Variants in TG observed in about 807,000 individuals in gnomAD.
TG encodes the protein thyroid hormones.
A neutral mutation model predicts 324.7 loss-of-function variants in TG; 270 were observed. That is an observed-to-expected ratio of 0.83 (90% CI 0.75 to 0.92). The LOEUF (loss-of-function observed/expected upper bound fraction) is 0.92. Ranked by LOEUF, TG falls within the 40% of genes least tolerant of loss-of-function variation. The pLI, the probability that TG is intolerant of heterozygous loss-of-function variation, is 0.00. For synonymous variants in TG, 1,401 were observed against 1,327.0 expected (o/e 1.06, Z -1.21); for missense variants, 3,591 against 3,456.4 (o/e 1.04, Z -0.98).
chr8:133,098,578 T>G (rs56967999), intron 43 of TG, among the ~76,000 whole-genome samples: 1 of 152,160 alleles, frequency 6.6e-6, no homozygotes, highest in Non-Finnish European at 1.5e-5. Flanking sequence ...CTTTGGACCA[T>G]GTACTGAAAA....
intron 35 of TG, among the ~76,000 whole-genome samples, chr8:132,999,785 T>C (rs1379497399): frequency 2.6e-5 from 4 of 152,226 alleles, no homozygotes; most frequent in Non-Finnish European, 5.9e-5. Context: ...TCTTAGAAGA[T>C]ATTTACTATC....
At chr8:132,875,423 T>A (rs1487325548) in intron 5 of TG, among the ~76,000 whole-genome samples, 2 of 152,240 alleles carry the variant, frequency 1.3e-5, no homozygotes, top group African/African-American at 2.4e-5. Flanking sequence ...TACAAATGAT[T>A]ACTGAAACAC....
chr8:132,873,197 T>G lies in TG; in HGVS notation c.614T>G (p.Phe205Cys). The change falls in exon 5 of 48, where the codon TTT (phenylalanine) becomes TGT (cysteine). Residue 205 changes from phenylalanine (F) to cysteine (C), a missense_variant. Phe to Cys is a radical substitution (Grantham distance 205). Coordinates refer to ENST00000220616, the MANE Select transcript of TG (RefSeq NM_003235.5). Reference sequence around the variant, plus strand: ...GTCAACACCACAGACATGATGATTTTTGATCTGGTCCACAGCTACAACAGG... The same window carrying G: ...GTCAACACCACAGACATGATGATTTGTGATCTGGTCCACAGCTACAACAGG... ...KFVNTTDMMI[F>C]DLVHSYNRFP... 2 of 1,614,118 alleles carry G rather than the reference T, an allele frequency of 1.2e-6. No homozygotes were observed. Among genetic ancestry groups the G allele is most frequent in the Admixed American group, 3.3e-5 (2 of 60,012 alleles).
At chr8:133,092,350 C>T (rs1458908774) in intron 41 of TG, among the ~76,000 whole-genome samples, 1 of 152,214 alleles carries the variant, frequency 6.6e-6, no homozygotes, top group African/African-American at 2.4e-5. Context: ...TTGACCTGAA[C>T]TATTTTTAAA....
chr8:132,957,781 A>ACG (rs1827144055), intron 27 of TG, among the ~76,000 whole-genome samples: 1 of 152,048 alleles, frequency 6.6e-6, no homozygotes, highest in African/African-American at 2.4e-5. Flanking sequence ...ACACACACAC[A>ACG]CACGTATGTA....
chr8:132,978,502 G>T (rs1830441328), intron 34 of TG, among the ~76,000 whole-genome samples: 1 of 152,150 alleles, frequency 6.6e-6, no homozygotes, highest in African/African-American at 2.4e-5. Flanking sequence ...TGGGAGGAGG[G>T]TGCTGTTCTC....
At chr8:133,038,771 G>C (rs1291458366) in intron 41 of TG, 13 of 1,454,792 alleles carry the variant, frequency 8.9e-6, no homozygotes, top group Non-Finnish European at 1.2e-5. Context: ...TAGAGAAAGG[G>C]AAAAAAAGAG....
At chr8:132,969,781 G>A (rs889083186) in intron 32 of TG, among the ~76,000 whole-genome samples, 2 of 151,840 alleles carry the variant, frequency 1.3e-5, no homozygotes, top group Non-Finnish European at 2.9e-5. Flanking sequence ...CATGGTGGCG[G>A]CACATGCTAG....
At position 133,017,996 on chromosome 8, in the gene TG, A is replaced by G; in HGVS notation, c.6781A>G (p.Arg2261Gly). ...AGGCTCCTGGGATGCCAGCAAGCCAAGGTATGGGTTGAGTGGAGCACATCT... is the reference window on the plus strand; with the variant it reads ...AGGCTCCTGGGATGCCAGCAAGCCAGGGTATGGGTTGAGTGGAGCACATCT... ...WTGSWDASKP[R>G]ASCWQPGTRT... Residue 2261 changes from arginine (R) to glycine (G), a missense_variant and splice_region_variant, in exon 38 of 48, where the codon AGG becomes GGG. Physicochemically the swap from Arg to Gly is moderately radical, Grantham distance 125. Transcript: ENST00000220616. 1.2e-6 allele frequency: 2 copies of G among 1,614,062 alleles called. No homozygotes were observed. The highest frequency in any genetic ancestry group is 1.3e-5 in the African/African-American group (1 of 75,058).
In TG at chr8:133,007,040, T is replaced by C. The variant is rs16904803; in HGVS notation, c.6263-4861T>C. Among the ~76,000 whole-genome samples, 1,276 of 152,330 alleles carry C rather than the reference T, an allele frequency of 8.4e-3. 12 individuals carry two copies. The highest frequency in any genetic ancestry group is 0.029 in the African/African-American group (1,209 of 41,548). ...CTCCTGTCACCCAGGGAGATATTTG[T>C]TGAAGTGTTGACTGGAGGTTGGCTG... On this transcript the variant is annotated intron_variant, in intron 35 of 47. Transcript: ENST00000220616.
intron 41 of TG, among the ~76,000 whole-genome samples, chr8:133,084,565 C>G (rs1392317059): frequency 6.6e-6 from 1 of 152,180 alleles, no homozygotes; most frequent in Non-Finnish European, 1.5e-5. Flanking sequence ...TGGCTTCTGA[C>G]AGCCAGAAGG....
At chr8:133,090,201 A>T (rs1012738699) in intron 41 of TG, 4 of 152,246 alleles carry the variant, frequency 2.6e-5, no homozygotes, top group African/African-American at 9.6e-5. Context: ...CCAGCATTCA[A>T]TAAGCCAGCT....
Position 133,019,707 on chromosome 8 carries a change from AG to A in TG, c.6876+13del. The A allele has an allele frequency of 6.2e-7, 1 of 1,607,872 alleles. No individual in the cohort carries two copies. Among genetic ancestry groups the A allele is most frequent in the Non-Finnish European group, 8.5e-7 (1 of 1,175,212 alleles). ...TCCCTCAGAATGTGGTGAGTTCAAA[AG>A]CACTTGCTATGGTTGCCCTGAAGAC... On this transcript the variant is annotated intron_variant, in intron 39 of 47. Coordinates refer to ENST00000220616, the MANE Select transcript of TG (RefSeq NM_003235.5).
intron 23 of TG, 72 bp from the exon 24 acceptor site, chr8:132,933,489 G>T (rs1363125649): frequency 2.5e-6 from 3 of 1,206,580 alleles, no homozygotes; most frequent in Non-Finnish European, 3.7e-6. Context: ...GCAGGGGCAG[G>T]GGGATGTGTC....
intron 44 of TG, among the ~76,000 whole-genome samples, chr8:133,115,580 C>T (rs1745360246): frequency 6.6e-6 from 1 of 152,208 alleles, no homozygotes; most frequent in Admixed American, 6.5e-5. Flanking sequence ...TGAGGGACTC[C>T]CATGGGTGTT....
At chr8:133,121,095 C>T (rs377042191) in intron 45 of TG, among the ~76,000 whole-genome samples, 16 of 152,204 alleles carry the variant, frequency 1.1e-4, no homozygotes, top group African/African-American at 2.9e-4. Context: ...CCCGTGGCTC[C>T]GTGGCTCTCT....
chr8:132,962,895 A>G, intron 28 of TG, 99 bp from the exon 29 acceptor site: 1 of 1,071,188 alleles, frequency 9.3e-7, no homozygotes, highest in Non-Finnish European at 1.5e-6. Context: ...ACCTGGCTTT[A>G]GGGCCTGATT....
intron 4 of TG, 123 bp from the exon 5 acceptor site, chr8:132,872,939 G>C (rs919636086): frequency 1.2e-5 from 13 of 1,084,948 alleles, no homozygotes; most frequent in South Asian, 1.1e-4. Context: ...CAATGAAACC[G>C]CCGAACGATG....
At chr8:132,941,610 A>G in intron 26 of TG, 68 bp downstream of exon 26, 1 of 1,586,626 alleles carries the variant, frequency 6.3e-7, no homozygotes, top group South Asian at 1.1e-5. Flanking sequence ...AGAAGCCAGG[A>G]CACACAACAT....
Sources: allele counts gnomAD v4.1 joint callset (sites outside exome capture counted in the v4.1 genomes callset), GRCh38; gene constraint gnomAD v4.1.1; transcripts MANE v1.5; gene names NCBI Gene and HGNC (gene_info 2026-07-23, HGNC 2026-07-21).